The following SPHKAP variants were observed in gnomAD, a reference collection of about 807,000 sequenced individuals.
SPHKAP encodes the protein A-kinase anchor protein SPHKAP.
Under a neutral mutation model 137.5 loss-of-function variants are expected in SPHKAP, and 67 were observed. That is an observed-to-expected ratio of 0.49 (90% confidence interval 0.40 to 0.60). The LOEUF (loss-of-function observed/expected upper bound fraction) is 0.60, where lower values mean the gene tolerates loss of function less well. Ranked by LOEUF, SPHKAP falls within the 20% of genes least tolerant of loss-of-function variation. The pLI is 0.00. For synonymous variants in SPHKAP, 813 were observed against 785.3 expected (o/e 1.04, Z -0.59); for missense variants, 2,097 against 2,069.3 (o/e 1.01, Z -0.26).
At chr2:228,049,353 C>T (rs6705293) in intron 3 of SPHKAP, among the ~76,000 whole-genome samples, 58,178 of 152,006 alleles carry the variant, frequency 0.38, 11,587 homozygotes, top group South Asian at 0.52. Flanking sequence ...AAAATATCTG[C>T]CTTCTGCCCC....
intron 7 of SPHKAP, among the ~76,000 whole-genome samples, chr2:228,008,816 G>A (rs2106194034): frequency 6.6e-6 from 1 of 151,748 alleles, no homozygotes; most frequent in Middle Eastern, 3.4e-3. Context: ...TCTATTATTG[G>A]GCTCTCTATT....
At chr2:227,992,420 G>A (rs1276431126) in intron 9 of SPHKAP, among the ~76,000 whole-genome samples, 2 of 152,202 alleles carry the variant, frequency 1.3e-5, no homozygotes, top group Non-Finnish European at 2.9e-5. Context: ...TGGAGCTGCA[G>A]GATGCTGACC....
intron 5 of SPHKAP, among the ~76,000 whole-genome samples, chr2:228,024,785 C>T (rs1352719795): frequency 6.6e-6 from 1 of 152,082 alleles, no homozygotes; most frequent in Non-Finnish European, 1.5e-5. Flanking sequence ...ATTTTACTTA[C>T]ATATCTTTAA....
At chr2:228,027,960 G>GAAAAAAA (rs113514692) in intron 3 of SPHKAP, 22 of 805,274 alleles carry the variant, frequency 2.7e-5, no homozygotes, top group Non-Finnish European at 3.0e-5. Context: ...GACTGCATCT[G>GAAAAAAA]AAAAAAAAAA....
At chr2:228,150,579 A>G (rs1699897442) in intron 1 of SPHKAP, among the ~76,000 whole-genome samples, 1 of 152,066 alleles carries the variant, frequency 6.6e-6, no homozygotes, top group Non-Finnish European at 1.5e-5. Context: ...ATAATGTTAT[A>G]TTATTGATAA....
At chr2:227,982,797 T>C (rs2293016) in intron 11 of SPHKAP, among the ~76,000 whole-genome samples, 72,295 of 152,094 alleles carry the variant, frequency 0.48, 17,547 homozygotes, top group East Asian at 0.66. Flanking sequence ...GCTCTTTCTA[T>C]CACCGCACCT....
At chr2:228,005,770 G>T (rs1463158048) in intron 7 of SPHKAP, among the ~76,000 whole-genome samples, 1 of 152,164 alleles carries the variant, frequency 6.6e-6, no homozygotes, top group Admixed American at 6.5e-5. Context: ...CTCAGCATTT[G>T]CTTGTCTGTA....
chr2:228,110,913 T>A (rs985162377), intron 2 of SPHKAP, among the ~76,000 whole-genome samples: 9 of 152,220 alleles, frequency 5.9e-5, no homozygotes, highest in Admixed American at 5.9e-4. Context: ...AATAACAAAT[T>A]CTTATTTATT....
At chr2:227,991,423 T>C (rs1559335437) in intron 9 of SPHKAP, 97 bp from the exon 10 acceptor site, 2 of 1,597,810 alleles carry the variant, frequency 1.3e-6, no homozygotes, top group East Asian at 4.5e-5. Flanking sequence ...TAAAAGCTTC[T>C]GAAGTTCATT....
intron 3 of SPHKAP, among the ~76,000 whole-genome samples, chr2:228,031,138 G>A (rs76532066): frequency 6.6e-5 from 10 of 152,306 alleles, no homozygotes; most frequent in African/African-American, 1.9e-4. Context: ...GGTGACAGAC[G>A]GCACCTGGAA....
intron 3 of SPHKAP, among the ~76,000 whole-genome samples, chr2:228,046,291 C>T (rs201615671): frequency 3.4e-3 from 277 of 82,306 alleles, no homozygotes; most frequent in Middle Eastern, 0.022. Flanking sequence ...TGTTGTTATT[C>T]TTTTTTTTTT....
At position 228,094,060 on chromosome 2, in the gene SPHKAP, A is replaced by G. The variant is rs376287966; in HGVS notation, c.246+14772T>C. Among the ~76,000 whole-genome samples, 2 of 152,100 alleles carry G rather than the reference A, an allele frequency of 1.3e-5. 1 individual carries two copies. Among genetic ancestry groups the G allele is most frequent in the East Asian group, 3.8e-4 (2 of 5,198 alleles). ...ATTGAGAATAACCAACAATCTAAAT[A>G]TCTAGGTATTTTTTTATAATACTAA... On this transcript the variant is annotated intron_variant, in intron 3 of 11. Transcript: ENST00000392056.
chr2:228,105,574 T>G (rs958409254), intron 3 of SPHKAP, among the ~76,000 whole-genome samples: 3 of 152,204 alleles, frequency 2.0e-5, no homozygotes, highest in Non-Finnish European at 2.9e-5. Flanking sequence ...ATATGGTTTG[T>G]GTGTGTCCCC....
chr2:228,019,960 ACT>A lies in SPHKAP; in HGVS notation c.892_893del (p.Leu299ArgfsTer30). ...GTGATGGCTTGGCTGAGGGATCTAGACTCTGCAAGGCTGTGTTCTTTGTTAGG... is the reference window on the plus strand; with the variant it reads ...GTGATGGCTTGGCTGAGGGATCTAGACTGCAAGGCTGTGTTCTTTGTTAGG... ...ENLTKNTALQ[S>X]LDPSAKPSQW... On this transcript the variant is annotated frameshift_variant, in exon 7 of 12. Coordinates refer to ENST00000392056, the MANE Select transcript of SPHKAP (RefSeq NM_001142644.2). LOFTEE classifies it high-confidence loss of function. 1 of 1,613,880 alleles carries A rather than the reference ACT, an allele frequency of 6.2e-7. No individual in the cohort carries two copies. Among genetic ancestry groups the A allele is most frequent in the Non-Finnish European group, 8.5e-7 (1 of 1,179,984 alleles).
chr2:228,086,629 G>A (rs556530561), intron 3 of SPHKAP, among the ~76,000 whole-genome samples: 7 of 152,218 alleles, frequency 4.6e-5, no homozygotes, highest in African/African-American at 1.4e-4. Context: ...GAGGGAAGAG[G>A]TTCCACACTA....
intron 3 of SPHKAP, among the ~76,000 whole-genome samples, chr2:228,096,927 C>G (rs1698005594): frequency 6.6e-6 from 1 of 152,108 alleles, no homozygotes; most frequent in African/African-American, 2.4e-5. Flanking sequence ...TGTCACTAGT[C>G]AGATCCATCT....
At chr2:228,133,981 C>T (rs1039122631) in intron 1 of SPHKAP, among the ~76,000 whole-genome samples, 1 of 150,682 alleles carries the variant, frequency 6.6e-6, no homozygotes, top group Non-Finnish European at 1.5e-5. Flanking sequence ...ACCTAATGCA[C>T]ATGAAAGGAT....
intron 3 of SPHKAP, among the ~76,000 whole-genome samples, chr2:228,044,622 G>A (rs1411366390): frequency 6.6e-6 from 1 of 152,120 alleles, no homozygotes; most frequent in Non-Finnish European, 1.5e-5. Flanking sequence ...TTGAAAAATG[G>A]AATTCTGCAA....
chr2:228,070,982 A>G (rs1696987215), intron 3 of SPHKAP, among the ~76,000 whole-genome samples: 2 of 152,150 alleles, frequency 1.3e-5, no homozygotes, highest in Admixed American at 6.5e-5. Flanking sequence ...AAAAGAGTTG[A>G]TATTGTCCCT....
Sources: gnomAD v4.1 joint callset for allele counts (sites outside exome capture counted in the v4.1 genomes callset) on GRCh38, gnomAD v4.1.1 for gene constraint, MANE v1.5 for transcripts, NCBI Gene and HGNC (gene_info 2026-07-23, HGNC 2026-07-21) for gene names.